Variants in RPTOR observed in about 807,000 individuals in gnomAD.
RPTOR encodes the protein regulatory-associated protein of mTOR.
In RPTOR, 21 loss-of-function variants were observed where a neutral mutation model predicts 169.9. The observed-to-expected ratio is 0.12, with a 90% CI of 0.09 to 0.18. The LOEUF (loss-of-function observed/expected upper bound fraction) is 0.18, where lower values mean the gene tolerates loss of function less well. Ranked by LOEUF, RPTOR falls within the 10% of genes least tolerant of loss-of-function variation. The pLI is 1.00. For missense variants in RPTOR, 1,133 were observed against 1,855.9 expected, an observed-to-expected ratio of 0.61 and a Z score of 7.16; for synonymous variants, 732 against 753.2, an observed-to-expected ratio of 0.97 and a Z score of 0.46.
At chr17:80,886,612 C>T (rs55823497) in intron 17 of RPTOR, among the ~76,000 whole-genome samples, 35,298 of 152,206 alleles carry the variant, frequency 0.23, 4,381 homozygotes, top group African/African-American at 0.29. Context: ...AGCTGTGAGG[C>T]GTTCCCCAAG....
chr17:80,613,590 G>A (rs2065286740), intron 1 of RPTOR, among the ~76,000 whole-genome samples: 1 of 152,232 alleles, frequency 6.6e-6, no homozygotes, highest in Non-Finnish European at 1.5e-5. Context: ...TGTTGGACTC[G>A]GGCTGGGCTG....
intron 21 of RPTOR, among the ~76,000 whole-genome samples, chr17:80,921,840 C>G (rs1378986983): frequency 6.6e-6 from 1 of 152,174 alleles, no homozygotes; most frequent in African/African-American, 2.4e-5. Flanking sequence ...TGCCAGTGCG[C>G]CCCTCCCCAG....
In RPTOR at chr17:80,730,613, C is replaced by T; in HGVS notation, c.561C>T (p.Gly187=). 1.2e-6 allele frequency: 2 copies of T among 1,614,102 alleles called. No homozygotes were observed. The highest frequency in any genetic ancestry group is 8.5e-7 in the Non-Finnish European group (1 of 1,180,002). Residue 187 remains glycine, a synonymous_variant, in exon 5 of 34, where the codon GGC becomes GGT. Transcript: ENST00000306801. This position sits in a 1 kb window ranked among gnomAD's most constrained non-coding sequence, Gnocchi z 4.2. ...LSIYDLQTWM[G]SPSIFVYDCS... ...TATATGACCTGCAGACGTGGATGGG[C>T]AGCCCGTCGATCTTCGTCTACGACT... is the stretch of plus-strand genomic sequence containing the variant.
intron 3 of RPTOR, among the ~76,000 whole-genome samples, chr17:80,699,548 G>A (rs1246255664): frequency 0.035 from 2,423 of 69,126 alleles, 26 homozygotes; most frequent in African/African-American, 0.05. Flanking sequence ...TGCTGTGCAC[G>A]GTGCCCTGGT....
chr17:80,685,822 C>T (rs959250117), intron 3 of RPTOR, among the ~76,000 whole-genome samples: 2 of 150,784 alleles, frequency 1.3e-5, no homozygotes, highest in Non-Finnish European at 1.5e-5. Flanking sequence ...TAGTCGTAAG[C>T]GTAAGATGGA....
At chr17:80,672,615 C>G (rs923089059) in intron 3 of RPTOR, among the ~76,000 whole-genome samples, 3 of 152,026 alleles carry the variant, frequency 2.0e-5, no homozygotes, top group African/African-American at 4.8e-5. Context: ...ACAGTGAAAC[C>G]CTGTCTCTAC....
rs886488527 is a variant in RPTOR at position 80,726,142 on chromosome 17, G to A, written c.508-4418G>A. Among the ~76,000 whole-genome samples the A allele has an allele frequency of 2.6e-5, 4 of 152,196 alleles. No individual in the cohort carries two copies. Among genetic ancestry groups the A allele is most frequent in the Admixed American group, 6.5e-5 (1 of 15,286 alleles). On this transcript the variant is annotated intron_variant, in intron 4 of 33. Transcript: ENST00000306801. The surrounding 1 kb of genome is among the most constrained non-coding windows in gnomAD (Gnocchi z 4.5). ...ACCACAGAGGCCCACATCCAAGCAG[G>A]CTTCCCAGAGCAGGCGGGGCTGGGA...
intron 21 of RPTOR, among the ~76,000 whole-genome samples, chr17:80,918,450 T>C: frequency 7.1e-6 from 1 of 141,166 alleles, no homozygotes; most frequent in Non-Finnish European, 1.5e-5. Flanking sequence ...GCCGGAGTCA[T>C]AGCCACGAGC....
chr17:80,900,032 C>T lies in RPTOR; in HGVS notation c.2401+6167C>T, dbSNP rs1032463744. ...AGTACAGAACAGGCAAACCCAATGC[C>T]ACCTGTGTCGAAGCCAGTACCATCG... is the stretch of plus-strand genomic sequence containing the variant. On this transcript the variant is annotated intron_variant, in intron 20 of 33. Transcript: ENST00000306801. Among the ~76,000 whole-genome samples the T allele has an allele frequency of 3.3e-5, 5 of 152,170 alleles. No homozygotes were observed. The South Asian group carries it at 6.2e-4, about 19-fold the overall frequency.
At chr17:80,613,582 T>C (rs1412556948) in intron 1 of RPTOR, among the ~76,000 whole-genome samples, 1 of 152,264 alleles carries the variant, frequency 6.6e-6, no homozygotes, top group Non-Finnish European at 1.5e-5. Flanking sequence ...TGACGCTGTG[T>C]TGGACTCGGG....
intron 7 of RPTOR, among the ~76,000 whole-genome samples, chr17:80,812,722 C>T (rs982736094): frequency 2.0e-5 from 3 of 152,216 alleles, no homozygotes; most frequent in African/African-American, 4.8e-5. Context: ...AAAATATTCC[C>T]GAACATACAC....
intron 7 of RPTOR, among the ~76,000 whole-genome samples, chr17:80,792,417 C>T (rs949856812): frequency 6.6e-6 from 1 of 152,062 alleles, no homozygotes; most frequent in African/African-American, 2.4e-5. Flanking sequence ...TATGTGTAAA[C>T]GTTCATGAGG....
At chr17:80,711,770 T>A (rs1420727882) in intron 4 of RPTOR, among the ~76,000 whole-genome samples, 82 of 121,508 alleles carry the variant, frequency 6.7e-4, no homozygotes, top group African/African-American at 2.0e-3. Context: ...TGAGGTTAAG[T>A]CTCCCTCTGT....
At chr17:80,720,004 T>G (rs1473211565) in intron 4 of RPTOR, among the ~76,000 whole-genome samples, 1 of 152,194 alleles carries the variant, frequency 6.6e-6, no homozygotes, top group Non-Finnish European at 1.5e-5. Flanking sequence ...TTGCTTCTGT[T>G]GAAAGATGGA....
intron 1 of RPTOR, among the ~76,000 whole-genome samples, chr17:80,601,569 TTTTA>T (rs1318610201): frequency 1.8e-5 from 1 of 56,774 alleles, no homozygotes; most frequent in East Asian, 3.6e-4. Flanking sequence ...TTTTTTTTTT[TTTTA>T]AATTTATTTT....
chr17:80,791,553 A>G, intron 7 of RPTOR, 44 bp downstream of exon 7: 1 of 1,565,140 alleles, frequency 6.4e-7, no homozygotes, highest in Non-Finnish European at 8.7e-7. Flanking sequence ...GGATCTGATG[A>G]GTTTCTTTTC....
intron 21 of RPTOR, 87 bp downstream of exon 21, chr17:80,909,016 C>A (rs2068579576): frequency 4.5e-6 from 4 of 883,528 alleles, no homozygotes; most frequent in Non-Finnish European, 7.5e-6. Context: ...GTGCCCGGGT[C>A]CACACCACAG....
At chr17:80,819,129 G>A (rs1038923023) in intron 7 of RPTOR, among the ~76,000 whole-genome samples, 13 of 152,174 alleles carry the variant, frequency 8.5e-5, no homozygotes, top group African/African-American at 2.7e-4. Context: ...CCTGGCCCCC[G>A]CCAGCTGCTC....
chr17:80,906,375 G>T (rs780360996), intron 20 of RPTOR, among the ~76,000 whole-genome samples: 3 of 152,168 alleles, frequency 2.0e-5, no homozygotes, highest in Non-Finnish European at 2.9e-5. Context: ...CACGGCTATC[G>T]CAGAGCTGTG....
Sources: gnomAD v4.1 joint callset for allele counts (sites outside exome capture counted in the v4.1 genomes callset) on GRCh38, gnomAD v4.1.1 for gene constraint, Gnocchi (gnomAD v3.1) non-coding constraint, MANE v1.5 for transcripts, NCBI Gene and HGNC (gene_info 2026-07-23, HGNC 2026-07-21) for gene names.